GLIPR1L1: variants seen among roughly 807,000 people sequenced by gnomAD.
GLIPR1L1 encodes GLIPR1-like protein 1.
GLIPR1L1 carries 26 observed loss-of-function variants against 29.9 expected under a neutral mutation model. That is an observed-to-expected ratio of 0.87 (90% CI 0.64 to 1.21). The LOEUF (loss-of-function observed/expected upper bound fraction) is 1.21, where lower values mean the gene tolerates loss of function less well. GLIPR1L1 is among the 50% of genes most tolerant of loss of function. GLIPR1L1 has a pLI of 0.00. For missense variants in GLIPR1L1, 305 were observed against 290.3 expected (o/e 1.05, Z -0.37); for synonymous variants, 77 against 97.5 (o/e 0.79, Z 1.24).
intron 3 of GLIPR1L1, among the ~76,000 whole-genome samples, chr12:75,362,164 A>G (rs2043638936): frequency 6.6e-6 from 1 of 152,158 alleles, no homozygotes; most frequent in South Asian, 2.1e-4. Flanking sequence ...TATAGGAAGA[A>G]CTCTCACAAC....
At chr12:75,351,550 G>GTTTT (rs1175807861) in intron 3 of GLIPR1L1, among the ~76,000 whole-genome samples, 2 of 131,082 alleles carry the variant, frequency 1.5e-5, no homozygotes, top group African/African-American at 2.7e-5. Context: ...GTTTTGTTTT[G>GTTTT]TTTTTTTTTT....
chr12:75,360,942 T>TG (rs2043543079), intron 3 of GLIPR1L1: 1 of 152,186 alleles, frequency 6.6e-6, no homozygotes, highest in African/African-American at 2.4e-5. Context: ...CCAACACTGT[T>TG]GCAGTCTTTC....
At chr12:75,347,515 T>C in intron 2 of GLIPR1L1, 107 bp from the exon 3 acceptor site, 1 of 574,904 alleles carries the variant, frequency 1.7e-6, no homozygotes, top group South Asian at 2.2e-5. Flanking sequence ...TAAATATTTA[T>C]GTACATTATT....
chr12:75,341,498 A>G (rs183079786), intron 1 of GLIPR1L1, among the ~76,000 whole-genome samples: 209 of 152,042 alleles, frequency 1.4e-3, no homozygotes, highest in African/African-American at 4.6e-3. Flanking sequence ...CCAGGCTGGA[A>G]TGCAGTGGCG....
At chr12:75,338,650 C>G (rs1191524286) in intron 1 of GLIPR1L1, among the ~76,000 whole-genome samples, 1 of 151,712 alleles carries the variant, frequency 6.6e-6, no homozygotes, top group Non-Finnish European at 1.5e-5. Context: ...GTTTGTTACA[C>G]AGGTGAACAT....
chr12:75,357,957 A>G (rs2043260787), intron 3 of GLIPR1L1, among the ~76,000 whole-genome samples: 1 of 151,560 alleles, frequency 6.6e-6, no homozygotes, highest in Non-Finnish European at 1.5e-5. Context: ...CAAAAAAGAC[A>G]AAAGTAAATC....
intron 1 of GLIPR1L1, among the ~76,000 whole-genome samples, chr12:75,336,847 C>A (rs1430532673): frequency 1.3e-5 from 2 of 151,628 alleles, no homozygotes; most frequent in Non-Finnish European, 3.0e-5. Context: ...TCATTACATT[C>A]ATCAATATAA....
intron 2 of GLIPR1L1, among the ~76,000 whole-genome samples, chr12:75,344,713 C>A (rs536520485): frequency 6.6e-6 from 1 of 152,034 alleles, no homozygotes; most frequent in Non-Finnish European, 1.5e-5. Flanking sequence ...TTGTTGAGTG[C>A]TGGGTTCATC....
chr12:75,359,357 CTTTTTTTTTT>C (rs61616225), intron 3 of GLIPR1L1, among the ~76,000 whole-genome samples: 6 of 28,600 alleles, frequency 2.1e-4, no homozygotes, highest in African/African-American at 4.2e-4. Context: ...GCATTGTTGT[CTTTTTTTTTT>C]TTTTTTTTTT....
At chr12:75,368,697 A>T (rs1593866078) in intron 4 of GLIPR1L1, among the ~76,000 whole-genome samples, 1 of 151,742 alleles carries the variant, frequency 6.6e-6, no homozygotes, top group East Asian at 1.9e-4. Context: ...TTTGTATTAG[A>T]CTCATTTTAA....
intron 3 of GLIPR1L1, among the ~76,000 whole-genome samples, chr12:75,351,059 T>G (rs1450816376): frequency 6.6e-6 from 1 of 152,054 alleles, no homozygotes; most frequent in Non-Finnish European, 1.5e-5. Context: ...CAATCACAAG[T>G]ATCAATATCC....
chr12:75,369,909 G>C, intron 4 of GLIPR1L1, 51 bp from the exon 5 acceptor site: 2 of 1,280,468 alleles, frequency 1.6e-6, no homozygotes, highest in South Asian at 3.4e-5. Context: ...AAAGAAATAT[G>C]TTTTCTTGTT....
At chr12:75,336,096 A>G (rs1388841061) in intron 1 of GLIPR1L1, among the ~76,000 whole-genome samples, 1 of 152,014 alleles carries the variant, frequency 6.6e-6, no homozygotes, top group Non-Finnish European at 1.5e-5. Flanking sequence ...TGTCAATAGA[A>G]TTATTCTGCT....
chr12:75,343,981 T>TATTTTA (rs751781803), intron 2 of GLIPR1L1, 43 bp downstream of exon 2: 1 of 1,479,150 alleles, frequency 6.8e-7, no homozygotes, highest in Admixed American at 2.1e-5. Flanking sequence ...TATTTGTGCA[T>TATTTTA]ATTTTAATTG....
At chr12:75,338,340 A>ACTCC (rs971222266) in intron 1 of GLIPR1L1, among the ~76,000 whole-genome samples, 13 of 152,118 alleles carry the variant, frequency 8.5e-5, no homozygotes, top group African/African-American at 3.1e-4. Flanking sequence ...TTAACAGAAA[A>ACTCC]CTCCCCAGAA....
chr12:75,339,888 A>G lies in GLIPR1L1; in HGVS notation c.175-3805A>G, dbSNP rs185335729. Among the ~76,000 whole-genome samples, 1,208 of 152,096 alleles carry G rather than the reference A, an allele frequency of 7.9e-3. 17 individuals are homozygous for G. The highest frequency in any genetic ancestry group is 0.011 in the Non-Finnish European group (731 of 67,988). On this transcript the variant is annotated intron_variant, in intron 1 of 5. Coordinates refer to ENST00000378695, the MANE Select transcript of GLIPR1L1 (RefSeq NM_001304964.2). ...GCACCCATCGCCCAAGCAGTGCCCA[A>G]TGTGTAGTCTTTTATCCCTCACCCC...
intron 3 of GLIPR1L1, among the ~76,000 whole-genome samples, chr12:75,348,550 T>C (rs1208435860): frequency 1.3e-5 from 2 of 152,196 alleles, no homozygotes; most frequent in African/African-American, 4.8e-5. Flanking sequence ...TCTTTTCTCT[T>C]AAGGAGACTA....
chr12:75,360,890 G>A (rs2043537346), intron 3 of GLIPR1L1: 1 of 152,204 alleles, frequency 6.6e-6, no homozygotes, highest in African/African-American at 2.4e-5. Context: ...TCTAGGTGGA[G>A]GTTTCCAATC....
intron 4 of GLIPR1L1, chr12:75,367,011 G>A: frequency 1.4e-6 from 1 of 701,448 alleles, no homozygotes; most frequent in Non-Finnish European, 2.6e-6. Flanking sequence ...CAGAGCTGAG[G>A]AGGTAAGTCT....
Sources: gnomAD v4.1 joint callset for allele counts (sites outside exome capture counted in the v4.1 genomes callset) on GRCh38, gnomAD v4.1.1 for gene constraint, MANE v1.5 for transcripts, NCBI Gene and HGNC (gene_info 2026-07-23, HGNC 2026-07-21) for gene names.